GRM5: variants seen among roughly 807,000 people sequenced by gnomAD.
GRM5 encodes the protein metabotropic glutamate receptor 5.
Under a neutral mutation model 83.1 loss-of-function variants are expected in GRM5, and 19 were observed. The ratio of observed to expected loss-of-function variants is 0.23; its 90% CI spans 0.16 to 0.34. The LOEUF (loss-of-function observed/expected upper bound fraction) is 0.34. Ranked by LOEUF, GRM5 falls within the 10% of genes least tolerant of loss-of-function variation. The probability of loss-of-function intolerance (pLI) is 1.00; values close to 1 mark genes in which losing one functional copy is unlikely to be tolerated. For missense variants in GRM5, 1,160 were observed against 1,588.3 expected (o/e 0.73, Z 4.58); for synonymous variants, 675 against 633.6 (o/e 1.07, Z -0.98).
intron 3 of GRM5, among the ~76,000 whole-genome samples, chr11:88,671,759 T>C (rs1040615077): frequency 2.0e-5 from 3 of 152,068 alleles, no homozygotes; most frequent in African/African-American, 7.2e-5. Flanking sequence ...TGGTTCCTTT[T>C]GAAGAGTGTG....
intron 2 of GRM5, among the ~76,000 whole-genome samples, chr11:88,871,641 G>C (rs1471277453): frequency 6.6e-6 from 1 of 151,384 alleles, no homozygotes; most frequent in Non-Finnish European, 1.5e-5. Context: ...ATGAAAGAAA[G>C]GAGAGAATCC....
chr11:88,650,600 A>G (rs1442761269), intron 4 of GRM5, among the ~76,000 whole-genome samples: 4 of 152,022 alleles, frequency 2.6e-5, no homozygotes, highest in African/African-American at 9.7e-5. Flanking sequence ...GAAATGTTCA[A>G]TTGATATTGG....
intron 3 of GRM5, among the ~76,000 whole-genome samples, chr11:88,787,165 G>GTT (rs1382745095): frequency 3.1e-5 from 4 of 130,214 alleles, no homozygotes; most frequent in Non-Finnish European, 7.0e-5. Context: ...GTGTGTGTGT[G>GTT]TGTGTGTGTC....
At chr11:88,762,230 C>A (rs1000100536) in intron 3 of GRM5, among the ~76,000 whole-genome samples, 1 of 152,082 alleles carries the variant, frequency 6.6e-6, no homozygotes, top group Non-Finnish European at 1.5e-5. Context: ...GCAAAAGAAA[C>A]TATCAACAGA....
At chr11:89,059,854 G>A (rs1425022840) in intron 1 of GRM5, among the ~76,000 whole-genome samples, 1 of 151,982 alleles carries the variant, frequency 6.6e-6, no homozygotes, top group Non-Finnish European at 1.5e-5. Flanking sequence ...TGTGTGCCAT[G>A]GTGGTTTTCC....
intron 2 of GRM5, among the ~76,000 whole-genome samples, chr11:89,003,632 T>C: frequency 6.6e-6 from 1 of 152,074 alleles, no homozygotes. Flanking sequence ...TAGGATGAGT[T>C]TTAAAGGAAA....
At position 88,680,988 on chromosome 11, in the gene GRM5, T is replaced by C. The variant is rs116975493; in HGVS notation, c.912-27585A>G. Among the ~76,000 whole-genome samples, 102 of 152,322 alleles carry C rather than the reference T, an allele frequency of 6.7e-4. No individual in the cohort carries two copies. In the East Asian group the frequency reaches 0.018, roughly 27 times the overall value. ...ACAGTAGGAAGTATGCAATATTCTG[T>C]GGTTTTTGTAAGATATCCTCATGAC... is the stretch of plus-strand genomic sequence containing the variant. On this transcript the variant is annotated intron_variant, in intron 3 of 9. Coordinates refer to ENST00000305447, the MANE Select transcript of GRM5 (RefSeq NM_001143831.3).
At chr11:88,617,158 C>G (rs555472858) in intron 4 of GRM5, among the ~76,000 whole-genome samples, 2 of 152,296 alleles carry the variant, frequency 1.3e-5, no homozygotes, top group South Asian at 4.1e-4. Context: ...ACAGCAGGAT[C>G]TGTTAGGTGG....
intron 2 of GRM5, among the ~76,000 whole-genome samples, chr11:88,973,393 G>C (rs541324718): frequency 6.6e-6 from 1 of 152,224 alleles, no homozygotes; most frequent in South Asian, 2.1e-4. Context: ...TTGAGACTGG[G>C]AGATTATCTT....
chr11:88,821,344 CAA>C (rs375051761), intron 3 of GRM5, among the ~76,000 whole-genome samples: 74 of 68,166 alleles, frequency 1.1e-3, no homozygotes, highest in South Asian at 6.6e-3. Context: ...CTTGAGGGGC[CAA>C]AAAAAAAAAA....
chr11:88,884,570 T>A (rs139731391), intron 2 of GRM5, among the ~76,000 whole-genome samples: 4,268 of 152,206 alleles, frequency 0.028, 92 homozygotes, highest in Non-Finnish European at 0.043. Flanking sequence ...GAAAGGGACA[T>A]GAGACTTGGG....
intron 3 of GRM5, among the ~76,000 whole-genome samples, chr11:88,656,994 T>C (rs1213096116): frequency 6.6e-6 from 1 of 152,128 alleles, no homozygotes; most frequent in East Asian, 1.9e-4. Flanking sequence ...GCCAATGCTC[T>C]GCAAATATCA....
intron 7 of GRM5, among the ~76,000 whole-genome samples, chr11:88,574,281 T>C (rs1409290602): frequency 6.6e-6 from 1 of 152,212 alleles, no homozygotes; most frequent in African/African-American, 2.4e-5. Context: ...GGATAAGTCA[T>C]TCTCAAAAAA....
At chr11:88,882,829 G>A (rs1301410550) in intron 2 of GRM5, among the ~76,000 whole-genome samples, 1 of 152,052 alleles carries the variant, frequency 6.6e-6, no homozygotes, top group Non-Finnish European at 1.5e-5. Flanking sequence ...CACGTGTCAT[G>A]GGAAGGACCC....
chr11:88,966,446 T>C (rs555998661), intron 2 of GRM5, among the ~76,000 whole-genome samples: 6 of 152,180 alleles, frequency 3.9e-5, no homozygotes, highest in South Asian at 4.1e-4. Flanking sequence ...ACTCTAGTCA[T>C]ACTGGCAACC....
At chr11:88,855,485 A>G (rs1358077326) in intron 2 of GRM5, among the ~76,000 whole-genome samples, 1 of 151,840 alleles carries the variant, frequency 6.6e-6, no homozygotes, top group African/African-American at 2.4e-5. Context: ...TAATTACGGT[A>G]TTTGTATAAT....
chr11:88,927,267 C>T (rs1945805851), intron 2 of GRM5, among the ~76,000 whole-genome samples: 1 of 152,110 alleles, frequency 6.6e-6, no homozygotes, highest in South Asian at 2.1e-4. Context: ...CCAAATACCC[C>T]AGAATTTAAA....
At chr11:89,043,958 G>A (rs765309782) in intron 2 of GRM5, among the ~76,000 whole-genome samples, 24 of 152,148 alleles carry the variant, frequency 1.6e-4, no homozygotes, top group Non-Finnish European at 2.6e-4. Context: ...AGTGTCAGAA[G>A]GCCAGTGCTA....
At chr11:89,046,735 T>C (rs540219168) in intron 2 of GRM5, among the ~76,000 whole-genome samples, 2 of 152,348 alleles carry the variant, frequency 1.3e-5, no homozygotes, top group East Asian at 1.9e-4. Context: ...CCAAACTTTT[T>C]GGTAATTCTC....
Sources: allele counts gnomAD v4.1 joint callset (sites outside exome capture counted in the v4.1 genomes callset), GRCh38; gene constraint gnomAD v4.1.1; transcripts MANE v1.5; gene names NCBI Gene and HGNC (gene_info 2026-07-23, HGNC 2026-07-21).